The following SH3BGRL variants were observed in gnomAD, a reference collection of about 807,000 sequenced individuals.
SH3BGRL encodes the protein adapter SH3BGRL.
In SH3BGRL, 7 loss-of-function variants were observed where a neutral mutation model predicts 9.8. That is an observed-to-expected ratio of 0.72 (90% confidence interval 0.41 to 1.35). The LOEUF (loss-of-function observed/expected upper bound fraction) is 1.35. Among genes scored for constraint, SH3BGRL ranks in the 40% most tolerant of loss-of-function variants. The probability of loss-of-function intolerance (pLI) is 0.01; values close to 1 mark genes in which losing one functional copy is unlikely to be tolerated. For missense variants in SH3BGRL, 73 were observed against 84.4 expected (o/e 0.86, Z 0.53); for synonymous variants, 36 against 29.1 (o/e 1.24, Z -0.76).
At chrX:81,237,007 C>T in intron 1 of SH3BGRL, 1 of 597,958 alleles carries the variant, frequency 1.7e-6, no homozygotes, top group Non-Finnish European at 2.2e-6. Flanking sequence ...AAAGCAGGCA[C>T]AGTCTAAAGA....
intron 1 of SH3BGRL, among the ~76,000 whole-genome samples, chrX:81,242,007 A>G (rs1217069340): frequency 3.6e-5 from 4 of 112,464 alleles, no homozygotes; most frequent in Admixed American, 9.4e-5. Context: ...TGCCCTTGGC[A>G]GGTATGGGAT....
chrX:81,266,319 T>G (rs974638706), intron 1 of SH3BGRL, among the ~76,000 whole-genome samples: 16 of 112,140 alleles, frequency 1.4e-4, no homozygotes, highest in African/African-American at 5.2e-4. Flanking sequence ...TTCTAGGATT[T>G]TTATGGTCCT....
intron 1 of SH3BGRL, among the ~76,000 whole-genome samples, chrX:81,227,104 C>G (rs2075619528): frequency 1.8e-5 from 2 of 111,981 alleles, no homozygotes; most frequent in African/African-American, 6.5e-5. Flanking sequence ...TCAAGATTGT[C>G]ATAAGAATTG....
chrX:81,249,152 A>G (rs913379145), intron 1 of SH3BGRL, among the ~76,000 whole-genome samples: 3 of 112,411 alleles, frequency 2.7e-5, no homozygotes, highest in African/African-American at 9.7e-5. Flanking sequence ...AATCTTAACT[A>G]TCTTTATTGC....
At chrX:81,292,345 A>G (rs1024848401) in intron 3 of SH3BGRL, among the ~76,000 whole-genome samples, 2 of 111,700 alleles carry the variant, frequency 1.8e-5, no homozygotes, top group Non-Finnish European at 1.9e-5. Flanking sequence ...CATCTGGAGC[A>G]GTGGCCTGAC....
At chrX:81,265,185 G>T (rs942536879) in intron 1 of SH3BGRL, among the ~76,000 whole-genome samples, 2 of 105,384 alleles carry the variant, frequency 1.9e-5, no homozygotes, top group African/African-American at 6.9e-5. Context: ...AACTAAAAAA[G>T]AAAACAGAGT....
chrX:81,258,513 A>C (rs774698256), intron 1 of SH3BGRL, among the ~76,000 whole-genome samples: 2 of 112,603 alleles, frequency 1.8e-5, no homozygotes, highest in Admixed American at 9.4e-5. Context: ...AACAGCCTTC[A>C]AAATTTCCAA....
intron 1 of SH3BGRL, among the ~76,000 whole-genome samples, chrX:81,245,135 G>T (rs1484791356): frequency 8.9e-6 from 1 of 111,976 alleles, no homozygotes; most frequent in African/African-American, 3.2e-5. Flanking sequence ...AGCATCAATA[G>T]AATAGATCTT....
At chrX:81,216,435 T>C (rs2075581632) in intron 1 of SH3BGRL, among the ~76,000 whole-genome samples, 1 of 111,338 alleles carries the variant, frequency 9.0e-6, no homozygotes, top group Non-Finnish European at 1.9e-5. Context: ...TTTCCTTGTG[T>C]TACAAATGAT....
intron 1 of SH3BGRL, among the ~76,000 whole-genome samples, chrX:81,221,584 A>G (rs1212425114): frequency 5.4e-5 from 6 of 111,824 alleles, no homozygotes; most frequent in African/African-American, 2.0e-4. Flanking sequence ...TACTGCAAAC[A>G]TTTGAACTCT....
At chrX:81,282,759 C>A (rs2147716007) in intron 3 of SH3BGRL, among the ~76,000 whole-genome samples, 1 of 111,215 alleles carries the variant, frequency 9.0e-6, no homozygotes, top group Admixed American at 9.5e-5. Flanking sequence ...GGTCACACTT[C>A]AAAGAACTAA....
chrX:81,203,927 C>T (rs1602589218), intron 1 of SH3BGRL, among the ~76,000 whole-genome samples: 1 of 108,732 alleles, frequency 9.2e-6, no homozygotes, highest in East Asian at 2.9e-4. Context: ...TCAGAGGGTA[C>T]ATGTGCAGAT....
intron 1 of SH3BGRL, among the ~76,000 whole-genome samples, chrX:81,234,931 C>G (rs1443685791): frequency 9.0e-6 from 1 of 111,726 alleles, no homozygotes; most frequent in Non-Finnish European, 1.9e-5. Flanking sequence ...CACTGTAAAG[C>G]TGAACAATTT....
chrX:81,273,072 T>C (rs1486459206), intron 1 of SH3BGRL, among the ~76,000 whole-genome samples: 6 of 112,575 alleles, frequency 5.3e-5, no homozygotes, highest in African/African-American at 1.9e-4. Context: ...TGTACCTTCA[T>C]TGTTCTAGTT....
chrX:81,202,403 T>C (rs1437833571), intron 1 of SH3BGRL, 158 bp downstream of exon 1: 3 of 1,014,655 alleles, frequency 3.0e-6, no homozygotes, highest in Non-Finnish European at 3.7e-6. Flanking sequence ...TTCCCTTTGT[T>C]GCATCGATTT....
At chrX:81,241,482 T>C (rs2075669448) in intron 1 of SH3BGRL, among the ~76,000 whole-genome samples, 1 of 111,853 alleles carries the variant, frequency 8.9e-6, no homozygotes, top group African/African-American at 3.3e-5. Flanking sequence ...TGGCTCCCCA[T>C]GGACCAATCA....
chrX:81,270,136 T>A (rs965424554), intron 1 of SH3BGRL, among the ~76,000 whole-genome samples: 13 of 110,894 alleles, frequency 1.2e-4, no homozygotes, highest in Non-Finnish European at 1.9e-5. Flanking sequence ...TTTGTCAAGG[T>A]TTTTATCCTC....
chrX:81,268,250 G>T (rs183835502), intron 1 of SH3BGRL, among the ~76,000 whole-genome samples: 316 of 109,797 alleles, frequency 2.9e-3, no homozygotes, highest in African/African-American at 9.9e-3. Context: ...GTTATTTCTT[G>T]TCTTCTGCTA....
At chrX:81,230,357 T>A (rs753075823) in intron 1 of SH3BGRL, among the ~76,000 whole-genome samples, 1 of 112,070 alleles carries the variant, frequency 8.9e-6, no homozygotes, top group African/African-American at 3.2e-5. Flanking sequence ...TATGTAATTA[T>A]GACTTCTGAT....
Sources: allele counts gnomAD v4.1 joint callset (sites outside exome capture counted in the v4.1 genomes callset), GRCh38; gene constraint gnomAD v4.1.1; transcripts MANE v1.5; gene names NCBI Gene and HGNC (gene_info 2026-07-23, HGNC 2026-07-21).